KCNH5: variants seen among roughly 807,000 people sequenced by gnomAD.
KCNH5 encodes the protein voltage-gated delayed rectifier potassium channel KCNH5.
Under a neutral mutation model 96.1 loss-of-function variants are expected in KCNH5, and 46 were observed. That is an observed-to-expected ratio of 0.48 (90% CI 0.38 to 0.61). The LOEUF is 0.61. KCNH5 is among the 20% of genes least tolerant of loss of function. The pLI is 0.00. For missense variants in KCNH5, 907 were observed against 1,225.8 expected (o/e 0.74, Z 3.88); for synonymous variants, 439 against 449.8 (o/e 0.98, Z 0.30).
chr14:63,031,193 C>T (rs1206585628), intron 1 of KCNH5, among the ~76,000 whole-genome samples: 1 of 152,018 alleles, frequency 6.6e-6, no homozygotes, highest in East Asian at 1.9e-4. Flanking sequence ...ACTTTCTATT[C>T]TGTCAGACTA....
intron 7 of KCNH5, among the ~76,000 whole-genome samples, chr14:62,895,684 A>G (rs1168761277): frequency 1.3e-5 from 2 of 152,194 alleles, no homozygotes; most frequent in Admixed American, 6.5e-5. Context: ...TGCCATACCT[A>G]TAGTTATAGC....
At chr14:62,741,652 GAGAA>G in intron 10 of KCNH5, among the ~76,000 whole-genome samples, 2 of 152,096 alleles carry the variant, frequency 1.3e-5, no homozygotes, top group East Asian at 1.9e-4. Flanking sequence ...GCCACAGAGA[GAGAA>G]AGAGTGAGGA....
intron 8 of KCNH5, among the ~76,000 whole-genome samples, chr14:62,811,981 T>C (rs1320119973): frequency 6.6e-6 from 1 of 152,296 alleles, no homozygotes; most frequent in East Asian, 1.9e-4. Context: ...GAAAAGTCAC[T>C]GTTCCTAGTT....
chr14:62,833,142 T>TG (rs1722651684), intron 8 of KCNH5, among the ~76,000 whole-genome samples: 1 of 147,960 alleles, frequency 6.8e-6, no homozygotes. Context: ...CACTATTCTC[T>TG]GTTTTTTTTG....
rs75519179 is a variant in KCNH5, at chr14:62,952,053, A to G, written c.943-1494T>C. 8.7e-3 allele frequency among the ~76,000 whole-genome samples: 1,317 copies of G among 152,138 alleles called. 11 individuals are homozygous for G. The highest frequency in any genetic ancestry group is 0.013 in the Non-Finnish European group (865 of 67,996). ...AGACAGCATGTGTTTGAAATTTTTC[A>G]TAATGAAAATTTAAAAGAGAAAGAT... is the stretch of plus-strand genomic sequence containing the variant. On this transcript the variant is annotated intron_variant, in intron 6 of 10. Transcript: ENST00000322893.
rs1383550898 is a variant in KCNH5 at position 62,700,321 on chromosome 14, C to T, written c.*7187G>A. 6.6e-6 allele frequency: 1 copy of T among 152,134 alleles called. No individual in the cohort carries two copies. Among genetic ancestry groups the T allele is most frequent in the East Asian group, 1.9e-4 (1 of 5,190 alleles). 9.4% of individuals were successfully genotyped at this position (152,134 alleles called of 1,614,324 possible). ...ACTGGTTTCCACTTTTCATAACAATCACTTAAGAAATCTGTTCCTAATATG... is the reference window on the plus strand; with the variant it reads ...ACTGGTTTCCACTTTTCATAACAATTACTTAAGAAATCTGTTCCTAATATG... On this transcript the variant is annotated 3_prime_UTR_variant, in exon 11 of 11. Coordinates refer to ENST00000322893, the MANE Select transcript of KCNH5 (RefSeq NM_139318.5).
chr14:62,943,668 T>C (rs1228534064), intron 7 of KCNH5, among the ~76,000 whole-genome samples: 1 of 152,152 alleles, frequency 6.6e-6, no homozygotes, highest in East Asian at 1.9e-4. Flanking sequence ...GTGAATTTTG[T>C]GAATGTCAGC....
intron 8 of KCNH5, among the ~76,000 whole-genome samples, chr14:62,818,657 C>T (rs1012053334): frequency 2.6e-5 from 4 of 152,108 alleles, no homozygotes; most frequent in Admixed American, 6.5e-5. Flanking sequence ...CATCAAACCA[C>T]GTCTTAGGTA....
chr14:63,000,973 G>A (rs550199647), intron 4 of KCNH5, among the ~76,000 whole-genome samples: 3 of 152,260 alleles, frequency 2.0e-5, no homozygotes, highest in Admixed American at 1.3e-4. Flanking sequence ...TACTCAGGAG[G>A]CTGAGGTGGG....
At chr14:62,988,854 C>T (rs555266932) in intron 4 of KCNH5, among the ~76,000 whole-genome samples, 247 of 152,120 alleles carry the variant, frequency 1.6e-3, no homozygotes, top group Non-Finnish European at 3.1e-3. Context: ...CAGTATTCTA[C>T]AGGCATCTGA....
chr14:62,814,509 TG>T (rs1886934038), intron 8 of KCNH5, among the ~76,000 whole-genome samples: 1 of 152,108 alleles, frequency 6.6e-6, no homozygotes, highest in Non-Finnish European at 1.5e-5. Context: ...TGTTTTCTAC[TG>T]GCCATGATCT....
intron 9 of KCNH5, among the ~76,000 whole-genome samples, chr14:62,797,861 T>G (rs926282392): frequency 1.3e-5 from 2 of 151,694 alleles, no homozygotes; most frequent in South Asian, 2.1e-4. Flanking sequence ...CAAATACAGA[T>G]ATATGCCAGC....
chr14:63,020,864 T>C (rs1037340632), intron 1 of KCNH5, among the ~76,000 whole-genome samples: 4 of 152,140 alleles, frequency 2.6e-5, no homozygotes, highest in Admixed American at 2.6e-4. Context: ...AGTAAAACAA[T>C]GGTACTTGAG....
intron 1 of KCNH5, among the ~76,000 whole-genome samples, chr14:63,018,798 A>T (rs1329535058): frequency 6.6e-6 from 1 of 152,112 alleles, no homozygotes; most frequent in Non-Finnish European, 1.5e-5. Context: ...CAATGTATTG[A>T]TATAATGTCC....
chr14:62,781,947 A>AT (rs965038617), intron 9 of KCNH5, among the ~76,000 whole-genome samples: 2 of 152,236 alleles, frequency 1.3e-5, no homozygotes, highest in Non-Finnish European at 2.9e-5. Context: ...TTTACAACTT[A>AT]TGCTTAGAGA....
chr14:62,789,808 T>C (rs1024677503), intron 9 of KCNH5, among the ~76,000 whole-genome samples: 1 of 151,980 alleles, frequency 6.6e-6, no homozygotes, highest in Non-Finnish European at 1.5e-5. Flanking sequence ...GTAAGAGTTC[T>C]TACATATATG....
At chr14:62,861,272 AT>A (rs112072677) in intron 7 of KCNH5, among the ~76,000 whole-genome samples, 169 of 146,212 alleles carry the variant, frequency 1.2e-3, no homozygotes, top group South Asian at 3.7e-3. Flanking sequence ...CTAAAAATTG[AT>A]TTTTTTTTTT....
chr14:62,895,339 T>A (rs566520926), intron 7 of KCNH5, among the ~76,000 whole-genome samples: 1 of 152,168 alleles, frequency 6.6e-6, no homozygotes. Context: ...CATGACTTTT[T>A]TTTTTTTTGA....
chr14:62,724,878 G>A (rs986675444), intron 10 of KCNH5, among the ~76,000 whole-genome samples: 2 of 152,302 alleles, frequency 1.3e-5, no homozygotes, highest in East Asian at 1.9e-4. Context: ...AAACAAAAAA[G>A]AGCCTGTTTA....
Sources: allele counts gnomAD v4.1 joint callset (sites outside exome capture counted in the v4.1 genomes callset), GRCh38; gene constraint gnomAD v4.1.1; transcripts MANE v1.5; gene names NCBI Gene and HGNC (gene_info 2026-07-23, HGNC 2026-07-21).